The following ITGAM variants were observed in gnomAD, a reference collection of about 807,000 sequenced individuals.
ITGAM encodes the protein integrin subunit alpha M, also known as integrin alpha-M.
A neutral mutation model predicts 137.5 loss-of-function variants in ITGAM; 79 were observed. That is an observed-to-expected ratio of 0.57 (90% CI 0.48 to 0.69). The LOEUF (loss-of-function observed/expected upper bound fraction) is 0.69. Among genes scored for constraint, ITGAM ranks in the 30% least tolerant of loss-of-function variants. The pLI, the probability that ITGAM is intolerant of heterozygous loss-of-function variation, is 0.00. For missense variants in ITGAM, 1,343 were observed against 1,483.5 expected (o/e 0.91, Z 1.56); for synonymous variants, 583 against 592.3 (o/e 0.98, Z 0.23).
chr16:31,261,962 A>C (rs1282567991), intron 2 of ITGAM, among the ~76,000 whole-genome samples, 165 bp downstream of exon 2: 3 of 152,202 alleles, frequency 2.0e-5, no homozygotes, highest in Non-Finnish European at 2.9e-5. Flanking sequence ...CAAAAGATGC[A>C]AAAGGGTGTA....
chr16:31,288,116 A>G (rs1381981650), intron 12 of ITGAM, among the ~76,000 whole-genome samples: 4 of 152,084 alleles, frequency 2.6e-5, no homozygotes, highest in Admixed American at 6.6e-5. Flanking sequence ...AGAGAAGTGA[A>G]AAGGGGTGTG....
rs1177146255 is a variant in ITGAM, at chr16:31,330,309, ACTGCTCCATCG to A, written c.3066_3076del (p.Ser1023LeufsTer7). The A allele has an allele frequency of 6.2e-7, 1 of 1,613,228 alleles. No individual in the cohort carries two copies. Among genetic ancestry groups the A allele is most frequent in the Non-Finnish European group, 8.5e-7 (1 of 1,179,364 alleles). ...CCCCTCCCCTCCTGCGTTCCCCAGA[ACTGCTCCATCG>A]CTGTCTGCCAGAGAATCCAGTGTGA... On this transcript the variant is annotated frameshift_variant and splice_region_variant, in exon 27 of 30. Transcript: ENST00000544665. LOFTEE classifies it high-confidence loss of function.
At chr16:31,279,500 A>C (rs1242728517) in intron 12 of ITGAM, among the ~76,000 whole-genome samples, 1 of 152,036 alleles carries the variant, frequency 6.6e-6, no homozygotes, top group Non-Finnish European at 1.5e-5. Flanking sequence ...GATGATGAGC[A>C]TTTTTTCATG....
At chr16:31,329,394 C>A in intron 24 of ITGAM, 91 bp downstream of exon 24, 1 of 946,620 alleles carries the variant, frequency 1.1e-6, no homozygotes, top group Non-Finnish European at 1.7e-6. Flanking sequence ...GAAATGTGCG[C>A]AAGGCACCTG....
intron 12 of ITGAM, among the ~76,000 whole-genome samples, chr16:31,289,890 T>G (rs1458970190): frequency 6.6e-6 from 1 of 152,086 alleles, no homozygotes; most frequent in Non-Finnish European, 1.5e-5. Flanking sequence ...GAGATCAGCC[T>G]GACCAACATG....
chr16:31,310,207 C>G (rs566216231), intron 14 of ITGAM, among the ~76,000 whole-genome samples: 1 of 151,970 alleles, frequency 6.6e-6, no homozygotes. Flanking sequence ...ATCTTTGTGG[C>G]GTTCTCTGTA....
At chr16:31,315,663 T>C (rs2080383662) in intron 14 of ITGAM, among the ~76,000 whole-genome samples, 1 of 151,874 alleles carries the variant, frequency 6.6e-6, no homozygotes, top group Non-Finnish European at 1.5e-5. Context: ...TTCACCATGT[T>C]GGCCAGGCTG....
In ITGAM at chr16:31,330,305, C is replaced by G; in HGVS notation, c.3061-3C>G. 1 of 1,613,124 alleles carries G rather than the reference C, an allele frequency of 6.2e-7. No individual in the cohort carries two copies. The highest frequency in any genetic ancestry group is 1.1e-5 in the South Asian group (1 of 91,062). The stretch of plus-strand genomic sequence containing the variant: ...CCGTCCCCTCCCCTCCTGCGTTCCC[C>G]AGAACTGCTCCATCGCTGTCTGCCA... On this transcript the variant is annotated splice_region_variant and splice_polypyrimidine_tract_variant and intron_variant, in intron 26 of 29. Transcript: ENST00000544665.
chr16:31,262,356 CTT>C (rs1567243965), intron 2 of ITGAM, among the ~76,000 whole-genome samples: 2 of 128,698 alleles, frequency 1.6e-5, no homozygotes, highest in African/African-American at 6.1e-5. Context: ...TCCTTCCTTC[CTT>C]CCTTCCTTCC....
chr16:31,300,170 A>AT (rs1305519015), intron 14 of ITGAM, among the ~76,000 whole-genome samples: 1 of 152,170 alleles, frequency 6.6e-6, no homozygotes, highest in East Asian at 1.9e-4. Flanking sequence ...GGAAGGAAAA[A>AT]TCCCTCATCT....
chr16:31,264,934 C>T (rs1400796469), intron 2 of ITGAM, among the ~76,000 whole-genome samples: 1 of 152,156 alleles, frequency 6.6e-6, no homozygotes, highest in East Asian at 1.9e-4. Flanking sequence ...GTGGTGCTAT[C>T]TCGGCTCACT....
Position 31,331,770 on chromosome 16 carries a change from G to A in ITGAM, c.*63G>A. On this transcript the variant is annotated 3_prime_UTR_variant, in exon 30 of 30. Coordinates refer to ENST00000544665, the MANE Select transcript of ITGAM (RefSeq NM_000632.4). ...CAGGACTCTGCCCAGACCACACGTA[G>A]CCCCCAGGCTGCTGGACACGTCGGA... 5 of 1,305,520 alleles carry A rather than the reference G, an allele frequency of 3.8e-6. No homozygotes were observed. The highest frequency in any genetic ancestry group is 5.3e-6 in the Non-Finnish European group (5 of 943,104). 80.9% of individuals were successfully genotyped at this position (1,305,520 alleles called of 1,614,324 possible).
At position 31,278,013 on chromosome 16, in the gene ITGAM, T is replaced by C; in HGVS notation, c.1260T>C (p.Val420=). 6.2e-7 allele frequency: 1 copy of C among 1,605,566 alleles called. No homozygotes were observed. The highest frequency in any genetic ancestry group is 8.5e-7 in the Non-Finnish European group (1 of 1,176,196). The change falls in exon 12 of 30, where the codon GTT becomes GTC. Residue 420 remains valine (V), a synonymous_variant. Coordinates refer to ENST00000544665, the MANE Select transcript of ITGAM (RefSeq NM_000632.4). ...TACGGAACCGGGTGCAAAGCCTGGTTCTGGGGGCACCTCGATATCAGCACA... is the reference window on the plus strand; with the variant it reads ...TACGGAACCGGGTGCAAAGCCTGGTCCTGGGGGCACCTCGATATCAGCACA... The part of the protein sequence containing the change: ...IILRNRVQSL[V]LGAPRYQHIG...
Position 31,270,982 on chromosome 16 carries a change from C to T in ITGAM, c.456C>T (p.Ala152=), listed in dbSNP as rs1322428114. Residue 152 remains alanine, a synonymous_variant, in exon 6 of 30, where the codon GCC becomes GCT. Coordinates refer to ENST00000544665, the MANE Select transcript of ITGAM (RefSeq NM_000632.4). The part of the protein sequence containing the change: ...RGCPQEDSDI[A]FLIDGSGSII... ...GTCCTCAAGAGGATAGTGACATTGC[C>T]TTCTTGATTGATGGCTCTGGTAGCA... 6.3e-7 allele frequency: 1 copy of T among 1,584,298 alleles called. No homozygotes were observed. The highest frequency in any genetic ancestry group is 8.6e-7 in the Non-Finnish European group (1 of 1,162,266).
chr16:31,331,574 G>A (rs1317833097), intron 29 of ITGAM, 62 bp from the exon 30 acceptor site: 2 of 899,670 alleles, frequency 2.2e-6, no homozygotes, highest in South Asian at 1.4e-5. Context: ...CCCTCCCCCT[G>A]GTCTGCGGAG....
At position 31,266,319 on chromosome 16, in the gene ITGAM, C is replaced by T. The variant is rs947372394; in HGVS notation, c.427+172C>T. Among the ~76,000 whole-genome samples the T allele has an allele frequency of 1.1e-4, 17 of 151,190 alleles. No homozygotes were observed. In the South Asian group the frequency reaches 1.7e-3, roughly 15 times the overall value. On this transcript the variant is annotated intron_variant, in intron 5 of 29. Transcript: ENST00000544665. Reference sequence around the variant, plus strand: ...GCTAGGGTCTTGTACTTTAGGAAAACGCCTTGGCTAGGCACAGTGGCTCAT... The same window carrying T: ...GCTAGGGTCTTGTACTTTAGGAAAATGCCTTGGCTAGGCACAGTGGCTCAT...
intron 14 of ITGAM, among the ~76,000 whole-genome samples, chr16:31,302,953 TTTCTTTC>T (rs2080227454): frequency 1.5e-5 from 2 of 133,220 alleles, no homozygotes; most frequent in Non-Finnish European, 3.2e-5. Flanking sequence ...TCTTTCTTTC[TTTCTTTC>T]TTTCTTTCTT....
intron 14 of ITGAM, among the ~76,000 whole-genome samples, chr16:31,320,514 A>G (rs2080437789): frequency 6.6e-6 from 1 of 152,216 alleles, no homozygotes; most frequent in South Asian, 2.1e-4. Context: ...AAAGCTCACT[A>G]TTAAAAAACA....
Position 31,265,497 on chromosome 16 carries a change from G to A in ITGAM, c.237G>A (p.Gln79=), listed in dbSNP as rs2079755353. Residue 79 remains glutamine (Q), a splice_region_variant and synonymous_variant, in exon 3 of 30, where the codon CAG becomes CAA. Coordinates refer to ENST00000544665, the MANE Select transcript of ITGAM (RefSeq NM_000632.4). Reference sequence around the variant, plus strand: ...GCTCATGCGAGCCCATCCGCCTGCAGGGTGAGTCACTGCCCCGCCGGGCTG... The same window carrying A: ...GCTCATGCGAGCCCATCCGCCTGCAAGGTGAGTCACTGCCCCGCCGGGCTG... The part of the protein sequence containing the change: ...STGSCEPIRL[Q]VPVEAVNMSL... 1 of 1,589,320 alleles carries A rather than the reference G, an allele frequency of 6.3e-7. No homozygotes were observed. The highest frequency in any genetic ancestry group is 1.3e-5 in the African/African-American group (1 of 74,198).
Sources: allele counts gnomAD v4.1 joint callset (sites outside exome capture counted in the v4.1 genomes callset), GRCh38; gene constraint gnomAD v4.1.1; transcripts MANE v1.5; gene names NCBI Gene and HGNC (gene_info 2026-07-23, HGNC 2026-07-21).